The following LRRC28 variants were observed in gnomAD, a reference collection of about 807,000 sequenced individuals.
LRRC28 encodes leucine-rich repeat-containing protein 28.
In LRRC28, 39 loss-of-function variants were observed where a neutral mutation model predicts 45.7. The observed-to-expected ratio is 0.85, with a 90% CI of 0.66 to 1.12. The LOEUF is 1.12. LRRC28 is among the 50% of genes most tolerant of loss of function. The pLI is 0.00. For synonymous variants in LRRC28, 206 were observed against 178.8 expected (o/e 1.15, Z -1.22); for missense variants, 435 against 438.5 (o/e 0.99, Z 0.07).
intron 1 of LRRC28, among the ~76,000 whole-genome samples, 161 bp from the exon 2 acceptor site, chr15:99,255,737 C>T (rs755373783): frequency 4.6e-5 from 7 of 152,032 alleles, no homozygotes. Context: ...TAATCTCCTC[C>T]TAAATATGTG....
In LRRC28 at chr15:99,260,725, A is replaced by G. The variant is rs115832063; in HGVS notation, c.168+4600A>G. On this transcript the variant is annotated intron_variant, in intron 2 of 9. Coordinates refer to ENST00000301981, the MANE Select transcript of LRRC28 (RefSeq NM_144598.5). ...TTTTGGAATGTTTGCTGATGTTAAA[A>G]TATAGTTCCTAAAGGAGAGTAGTAT... Among the ~76,000 whole-genome samples the G allele has an allele frequency of 1.6e-4, 24 of 152,380 alleles. 1 individual carries two copies. Among genetic ancestry groups the G allele is most frequent in the African/African-American group, 5.5e-4 (23 of 41,588 alleles).
intron 5 of LRRC28, among the ~76,000 whole-genome samples, chr15:99,328,834 G>A (rs1302929359): frequency 1.3e-5 from 2 of 151,436 alleles, no homozygotes; most frequent in African/African-American, 2.4e-5. Context: ...CCAGCAGCCC[G>A]CCGGGTCCTG....
At chr15:99,375,160 G>A (rs1299724636) in intron 9 of LRRC28, among the ~76,000 whole-genome samples, 1 of 152,144 alleles carries the variant, frequency 6.6e-6, no homozygotes, top group African/African-American at 2.4e-5. Context: ...TCCTCTCTAT[G>A]TAGTTTGCTG....
intron 5 of LRRC28, chr15:99,326,466 G>T (rs896667890): frequency 6.6e-6 from 1 of 152,222 alleles, no homozygotes; most frequent in African/African-American, 2.4e-5. Context: ...GAGCAAGCAA[G>T]AGCCAAGTAA....
intron 6 of LRRC28, among the ~76,000 whole-genome samples, chr15:99,339,560 G>A (rs1040756711): frequency 1.3e-5 from 2 of 152,056 alleles, no homozygotes; most frequent in Admixed American, 6.6e-5. Flanking sequence ...GTGAAACCCC[G>A]TCTCTACTAA....
At chr15:99,252,170 A>C (rs114400841) in intron 1 of LRRC28, among the ~76,000 whole-genome samples, 2 of 152,238 alleles carry the variant, frequency 1.3e-5, no homozygotes, top group African/African-American at 4.8e-5. Context: ...CCTTAACTAC[A>C]TAAGAGGTAG....
At chr15:99,254,808 C>T (rs564267666) in intron 1 of LRRC28, among the ~76,000 whole-genome samples, 1 of 152,248 alleles carries the variant, frequency 6.6e-6, no homozygotes, top group East Asian at 1.9e-4. Flanking sequence ...TGTCTTCTTG[C>T]CCTTGTCAAT....
chr15:99,313,186 C>G (rs1226217117), intron 5 of LRRC28, among the ~76,000 whole-genome samples: 1 of 151,776 alleles, frequency 6.6e-6, no homozygotes, highest in East Asian at 1.9e-4. Flanking sequence ...TGGAACTAAA[C>G]AAGGACAATT....
intron 5 of LRRC28, among the ~76,000 whole-genome samples, chr15:99,292,485 C>G (rs1179247289): frequency 6.6e-6 from 1 of 151,452 alleles, no homozygotes; most frequent in African/African-American, 2.4e-5. Flanking sequence ...CTGCCTCAGC[C>G]TCCCGAGTAG....
chr15:99,350,006 G>T (rs1475543175), intron 6 of LRRC28, among the ~76,000 whole-genome samples: 1 of 151,434 alleles, frequency 6.6e-6, no homozygotes, highest in East Asian at 1.9e-4. Flanking sequence ...CGCGGTGGCG[G>T]GCGCCTGTAG....
intron 3 of LRRC28, chr15:99,285,748 T>G (rs1348230425): frequency 3.8e-6 from 2 of 531,216 alleles, no homozygotes; most frequent in Non-Finnish European, 6.9e-6. Context: ...GATTTGGACA[T>G]TTTAACGTCT....
rs1401620324 is a variant in LRRC28, at chr15:99,334,409, G to GTGTGTGTA, written c.592+287_592+288insATGTGTGT. 5.4e-4 allele frequency among the ~76,000 whole-genome samples: 72 copies of GTGTGTGTA among 132,762 alleles called. 1 individual carries two copies. The highest frequency in any genetic ancestry group is 2.4e-3 in the African/African-American group (68 of 28,288). 87.1% of individuals were successfully genotyped at this position (132,762 alleles called of 152,430 possible). ...CAGAGAAAGGAATTAAAGAGTGTGT[G>GTGTGTGTA]TGTGTGTGTGTGTGTGTGTGTGTGT... On this transcript the variant is annotated intron_variant, in intron 6 of 9. Coordinates refer to ENST00000301981, the MANE Select transcript of LRRC28 (RefSeq NM_144598.5).
At chr15:99,304,862 A>C (rs986477532) in intron 5 of LRRC28, among the ~76,000 whole-genome samples, 1 of 152,170 alleles carries the variant, frequency 6.6e-6, no homozygotes, top group Non-Finnish European at 1.5e-5. Context: ...ATAATTTTTA[A>C]TCATTTGATC....
chr15:99,296,623 G>A (rs1053030554), intron 5 of LRRC28, among the ~76,000 whole-genome samples: 1 of 152,172 alleles, frequency 6.6e-6, no homozygotes, highest in Non-Finnish European at 1.5e-5. Context: ...AGCAATATAC[G>A]TAAATAGATT....
chr15:99,343,533 A>T (rs897252497), intron 6 of LRRC28, among the ~76,000 whole-genome samples: 7 of 152,226 alleles, frequency 4.6e-5, no homozygotes, highest in African/African-American at 7.2e-5. Flanking sequence ...GTTTGGAAGA[A>T]AAAAAGGAAA....
chr15:99,356,750 G>C (rs1957058291), intron 7 of LRRC28, among the ~76,000 whole-genome samples: 1 of 152,178 alleles, frequency 6.6e-6, no homozygotes, highest in Non-Finnish European at 1.5e-5. Flanking sequence ...CCATGCGTAG[G>C]CAAAGCTGAT....
intron 5 of LRRC28, among the ~76,000 whole-genome samples, chr15:99,328,480 G>A (rs1956056203): frequency 6.6e-6 from 1 of 152,060 alleles, no homozygotes; most frequent in East Asian, 1.9e-4. Flanking sequence ...TTGGAAATTA[G>A]GTGTGGTTTA....
At chr15:99,374,869 G>C (rs1957582525) in intron 9 of LRRC28, among the ~76,000 whole-genome samples, 1 of 151,384 alleles carries the variant, frequency 6.6e-6, no homozygotes, top group Non-Finnish European at 1.5e-5. Context: ...GGGTTTTACT[G>C]TATTAGTCAA....
At chr15:99,342,296 A>G (rs528917993) in intron 6 of LRRC28, among the ~76,000 whole-genome samples, 24 of 152,174 alleles carry the variant, frequency 1.6e-4, no homozygotes, top group Non-Finnish European at 3.4e-4. Context: ...CCTGCTAGGT[A>G]GTACCACTCC....
Sources: gnomAD v4.1 joint callset for allele counts (sites outside exome capture counted in the v4.1 genomes callset) on GRCh38, gnomAD v4.1.1 for gene constraint, MANE v1.5 for transcripts, NCBI Gene and HGNC (gene_info 2026-07-23, HGNC 2026-07-21) for gene names.